The following CALN1 variants were observed in gnomAD, a reference collection of about 807,000 sequenced individuals.
CALN1 encodes the protein calneuron 1, also known as calcium-binding protein 8.
CALN1 carries 17 observed loss-of-function variants against 30.6 expected under a neutral mutation model. That is an observed-to-expected ratio of 0.56 (90% CI 0.38 to 0.83). The LOEUF (loss-of-function observed/expected upper bound fraction) is 0.83. CALN1 is among the 40% of genes least tolerant of loss of function. The pLI is 0.00. For missense variants in CALN1, 291 were observed against 354.9 expected (o/e 0.82, Z 1.45); for synonymous variants, 156 against 131.4 (o/e 1.19, Z -1.28).
intron 5 of CALN1, among the ~76,000 whole-genome samples, chr7:71,830,100 A>G (rs1431797026): frequency 6.8e-6 from 1 of 146,590 alleles, no homozygotes; most frequent in African/African-American, 2.6e-5. Flanking sequence ...CTGGGGTGCA[A>G]TGGCATGATC....
intron 1 of CALN1, among the ~76,000 whole-genome samples, chr7:72,429,370 G>A (rs141177334): frequency 9.9e-5 from 15 of 152,184 alleles, no homozygotes; most frequent in Middle Eastern, 3.4e-3. Context: ...CAAATGGCTC[G>A]TCGAAAATAT....
chr7:72,054,536 T>TAA (rs1164512446), intron 4 of CALN1, among the ~76,000 whole-genome samples: 2 of 123,886 alleles, frequency 1.6e-5, no homozygotes, highest in African/African-American at 6.5e-5. Flanking sequence ...TACATACATA[T>TAA]ATATATACAT....
chr7:72,384,344 T>G (rs1484315854), intron 2 of CALN1, among the ~76,000 whole-genome samples: 1 of 152,176 alleles, frequency 6.6e-6, no homozygotes, highest in East Asian at 1.9e-4. Flanking sequence ...CGTATGTTGA[T>G]TTCAACAAAT....
intron 5 of CALN1, among the ~76,000 whole-genome samples, chr7:71,880,246 GGAAA>G (rs1341896445): frequency 1.3e-5 from 2 of 152,138 alleles, no homozygotes; most frequent in Non-Finnish European, 2.9e-5. Flanking sequence ...AGTGAAAGAG[GGAAA>G]GAAATTAACT....
chr7:71,920,777 A>G (rs1011550870), intron 5 of CALN1, among the ~76,000 whole-genome samples: 3 of 152,332 alleles, frequency 2.0e-5, no homozygotes, highest in East Asian at 1.9e-4. Flanking sequence ...TGGCAAACAT[A>G]TAAGCTGAAC....
At chr7:72,253,544 C>T (rs1250349624) in intron 3 of CALN1, among the ~76,000 whole-genome samples, 3 of 152,120 alleles carry the variant, frequency 2.0e-5, no homozygotes, top group East Asian at 3.8e-4. Context: ...CTTACCATGG[C>T]GAAGCAAGAG....
At chr7:72,101,634 C>A (rs930328775) in intron 4 of CALN1, among the ~76,000 whole-genome samples, 1 of 152,156 alleles carries the variant, frequency 6.6e-6, no homozygotes, top group African/African-American at 2.4e-5. Flanking sequence ...GGTCCATTCA[C>A]CATATGGTCA....
intron 2 of CALN1, among the ~76,000 whole-genome samples, chr7:72,354,656 T>C (rs1803120072): frequency 6.6e-6 from 1 of 152,184 alleles, no homozygotes; most frequent in Admixed American, 6.5e-5. Flanking sequence ...CAATTAGTTT[T>C]TCACAAAGGT....
the CALN1 span, among the ~76,000 whole-genome samples, chr7:72,471,473 T>G: frequency 6.6e-6 from 1 of 152,240 alleles, no homozygotes; most frequent in Non-Finnish European, 1.5e-5. Flanking sequence ...TCTCTGTCAC[T>G]GGGCACATGC....
intron 4 of CALN1, among the ~76,000 whole-genome samples, chr7:72,097,571 G>A (rs1303620002): frequency 1.3e-5 from 2 of 151,000 alleles, no homozygotes; most frequent in African/African-American, 4.9e-5. Context: ...ACTTTGGGAA[G>A]CGGAGGTGGG....
chr7:72,361,094 AT>A (rs1049928309), intron 2 of CALN1, among the ~76,000 whole-genome samples: 1 of 152,016 alleles, frequency 6.6e-6, no homozygotes, highest in South Asian at 2.1e-4. Flanking sequence ...ACTACTTTTC[AT>A]TTTTTGTACC....
chr7:72,297,138 G>A (rs1455494726), intron 2 of CALN1, among the ~76,000 whole-genome samples: 6 of 152,148 alleles, frequency 3.9e-5, no homozygotes, highest in African/African-American at 7.2e-5. Context: ...CTTTGTTCCC[G>A]TTGGTTTCAA....
intron 5 of CALN1, among the ~76,000 whole-genome samples, chr7:71,869,574 T>A (rs1791800102): frequency 6.6e-6 from 1 of 152,170 alleles, no homozygotes; most frequent in Non-Finnish European, 1.5e-5. Context: ...TACTGTTATA[T>A]TTGCCCTTTG....
At chr7:72,387,482 A>T (rs1805303363) in intron 2 of CALN1, among the ~76,000 whole-genome samples, 1 of 152,110 alleles carries the variant, frequency 6.6e-6, no homozygotes, top group Non-Finnish European at 1.5e-5. Flanking sequence ...TGACAAACAC[A>T]CACTCCCTCC....
intron 2 of CALN1, among the ~76,000 whole-genome samples, chr7:72,350,287 C>T (rs1454203767): frequency 6.6e-6 from 1 of 152,142 alleles, no homozygotes; most frequent in Non-Finnish European, 1.5e-5. Context: ...TGGGTATATA[C>T]CCAAAGGAAT....
intron 5 of CALN1, among the ~76,000 whole-genome samples, chr7:71,872,896 G>T (rs551194457): frequency 6.6e-6 from 1 of 152,102 alleles, no homozygotes; most frequent in Admixed American, 6.5e-5. Context: ...TTACAAGCAT[G>T]AGCCACGGCG....
chr7:72,257,178 G>A (rs891563168), intron 3 of CALN1, among the ~76,000 whole-genome samples: 2 of 152,110 alleles, frequency 1.3e-5, no homozygotes, highest in Non-Finnish European at 2.9e-5. Flanking sequence ...ATCAAATCTC[G>A]TGAGAACTCA....
At chr7:71,808,622 T>C (rs1014187425) in intron 6 of CALN1, among the ~76,000 whole-genome samples, 1 of 152,120 alleles carries the variant, frequency 6.6e-6, no homozygotes, top group African/African-American at 2.4e-5. Flanking sequence ...TACTTCGAAT[T>C]TAGATTATTT....
chr7:72,342,310 C>T (rs1802422378), intron 2 of CALN1, among the ~76,000 whole-genome samples: 1 of 151,350 alleles, frequency 6.6e-6, no homozygotes, highest in Non-Finnish European at 1.5e-5. Flanking sequence ...AGCTGGATGG[C>T]AGACTTCTGC....
Sources: allele counts gnomAD v4.1 joint callset (sites outside exome capture counted in the v4.1 genomes callset), GRCh38; gene constraint gnomAD v4.1.1; transcripts MANE v1.5; gene names NCBI Gene and HGNC (gene_info 2026-07-23, HGNC 2026-07-21).